The following ERBB4 variants were observed in gnomAD, a reference collection of about 807,000 sequenced individuals.
ERBB4 encodes receptor tyrosine-protein kinase erbB-4.
Under a neutral mutation model 158.0 loss-of-function variants are expected in ERBB4, and 42 were observed. The ratio of observed to expected loss-of-function variants is 0.27; its 90% CI spans 0.21 to 0.34. ERBB4 has a LOEUF of 0.34. ERBB4 is among the 10% of genes least tolerant of loss of function. The pLI is 1.00. For synonymous variants in ERBB4, 583 were observed against 558.7 expected (o/e 1.04, Z -0.61); for missense variants, 1,333 against 1,624.1 (o/e 0.82, Z 3.08).
At chr2:212,451,444 T>C (rs2092444614) in intron 1 of ERBB4, among the ~76,000 whole-genome samples, 1 of 152,216 alleles carries the variant, frequency 6.6e-6, no homozygotes, top group Admixed American at 6.5e-5. Context: ...CTTTGACCTA[T>C]GTAAGGGCCT....
chr2:212,092,678 T>C (rs939015537), intron 2 of ERBB4, among the ~76,000 whole-genome samples: 1 of 152,180 alleles, frequency 6.6e-6, no homozygotes, highest in Non-Finnish European at 1.5e-5. Flanking sequence ...GTTGAATACG[T>C]TGTATATGTT....
chr2:212,216,572 C>A (rs2083106100), intron 1 of ERBB4, among the ~76,000 whole-genome samples: 1 of 150,946 alleles, frequency 6.6e-6, no homozygotes, highest in Admixed American at 6.6e-5. Context: ...AGGGTCTATG[C>A]CATCAGGAGA....
intron 2 of ERBB4, among the ~76,000 whole-genome samples, chr2:212,116,468 G>A (rs1317154190): frequency 2.0e-5 from 3 of 152,046 alleles, no homozygotes; most frequent in Non-Finnish European, 1.5e-5. Context: ...TTTTTCTTGA[G>A]ACAGGGTTTT....
At chr2:211,717,451 G>A (rs1254326877) in intron 7 of ERBB4, among the ~76,000 whole-genome samples, 1 of 152,132 alleles carries the variant, frequency 6.6e-6, no homozygotes, top group Non-Finnish European at 1.5e-5. Context: ...ACATAAAGAA[G>A]TCAAAGTACA....
At chr2:211,783,947 C>A (rs184279224) in intron 4 of ERBB4, among the ~76,000 whole-genome samples, 1 of 152,250 alleles carries the variant, frequency 6.6e-6, no homozygotes, top group Admixed American at 6.5e-5. Flanking sequence ...AGGAATGGTA[C>A]CAGCTCCTCC....
In ERBB4 at chr2:211,732,996, C is replaced by CA. The variant is rs547350573; in HGVS notation, c.623-7803dup. On this transcript the variant is annotated intron_variant, in intron 5 of 27. Transcript: ENST00000342788. ...CGTCTCAAAAAACAAAAAACAAACA[C>CA]AAAAAAAGAGTAGGCCCATATTTTG... Among the ~76,000 whole-genome samples, 1,184 of 151,970 alleles carry CA rather than the reference C, an allele frequency of 7.8e-3. 21 individuals carry two copies. The highest frequency in any genetic ancestry group is 0.048 in the Middle Eastern group (14 of 294).
chr2:212,259,543 T>C (rs766825004), intron 1 of ERBB4, among the ~76,000 whole-genome samples: 2 of 152,206 alleles, frequency 1.3e-5, no homozygotes, highest in South Asian at 2.1e-4. Context: ...ATATATATTA[T>C]AACTAAAGCA....
At chr2:211,554,755 A>G (rs532938052) in intron 20 of ERBB4, among the ~76,000 whole-genome samples, 2 of 152,216 alleles carry the variant, frequency 1.3e-5, no homozygotes, top group African/African-American at 4.8e-5. Flanking sequence ...TAGAGAAAAC[A>G]GTCCTTTTGG....
intron 1 of ERBB4, among the ~76,000 whole-genome samples, chr2:212,425,335 AG>A (rs927509134): frequency 2.5e-5 from 3 of 120,616 alleles, no homozygotes; most frequent in African/African-American, 1.4e-4. Flanking sequence ...TAAATATATA[AG>A]GATACATATA....
intron 2 of ERBB4, among the ~76,000 whole-genome samples, chr2:212,000,725 G>GA (rs1345771776): frequency 6.6e-6 from 1 of 151,606 alleles, no homozygotes; most frequent in African/African-American, 2.4e-5. Flanking sequence ...AAGAAGGTCA[G>GA]AAAAAATGTC....
intron 1 of ERBB4, among the ~76,000 whole-genome samples, chr2:212,353,142 G>T (rs1165347542): frequency 6.6e-6 from 1 of 151,794 alleles, no homozygotes; most frequent in Non-Finnish European, 1.5e-5. Context: ...GGGGATAATT[G>T]TTTTTGTTAG....
intron 19 of ERBB4, among the ~76,000 whole-genome samples, chr2:211,604,781 A>C (rs2068922420): frequency 6.6e-6 from 1 of 152,206 alleles, no homozygotes; most frequent in South Asian, 2.1e-4. Context: ...CATTTCACTT[A>C]AGGTGATGAA....
intron 1 of ERBB4, among the ~76,000 whole-genome samples, chr2:212,220,043 C>T (rs2083243448): frequency 6.7e-6 from 1 of 150,218 alleles, no homozygotes; most frequent in Non-Finnish European, 1.5e-5. Flanking sequence ...CCTATTTCAA[C>T]TATCACAGTA....
intron 18 of ERBB4, among the ~76,000 whole-genome samples, chr2:211,621,682 T>C (rs1489082842): frequency 1.3e-5 from 2 of 152,160 alleles, no homozygotes; most frequent in Non-Finnish European, 2.9e-5. Context: ...TCTTTAAAAA[T>C]ATAGGAGTGA....
intron 20 of ERBB4, among the ~76,000 whole-genome samples, chr2:211,549,934 G>A (rs1477049044): frequency 4.6e-5 from 7 of 152,042 alleles, no homozygotes; most frequent in African/African-American, 1.4e-4. Flanking sequence ...GAACCCTGTC[G>A]GGACTTCCTT....
intron 2 of ERBB4, among the ~76,000 whole-genome samples, chr2:211,982,054 CATT>C (rs1025913178): frequency 7.9e-5 from 12 of 151,838 alleles, no homozygotes; most frequent in African/African-American, 2.2e-4. Flanking sequence ...TATTATTTAT[CATT>C]ATTATATTTT....
chr2:211,764,536 C>T (rs1240928329), intron 4 of ERBB4, among the ~76,000 whole-genome samples: 1 of 152,110 alleles, frequency 6.6e-6, no homozygotes, highest in Admixed American at 6.6e-5. Context: ...CAATTTATTT[C>T]TATGATAAAC....
intron 1 of ERBB4, among the ~76,000 whole-genome samples, chr2:212,281,438 G>A (rs766722159): frequency 6.6e-6 from 1 of 151,632 alleles, no homozygotes; most frequent in Non-Finnish European, 1.5e-5. Flanking sequence ...TGGATATTTG[G>A]GAAACAGAAA....
At chr2:211,720,132 G>C (rs1050270353) in intron 7 of ERBB4, among the ~76,000 whole-genome samples, 2 of 152,164 alleles carry the variant, frequency 1.3e-5, no homozygotes, top group Non-Finnish European at 2.9e-5. Context: ...AATAAGAAAA[G>C]TTGTTCCCGG....
Sources: gnomAD v4.1 joint callset for allele counts (sites outside exome capture counted in the v4.1 genomes callset) on GRCh38, gnomAD v4.1.1 for gene constraint, MANE v1.5 for transcripts, NCBI Gene and HGNC (gene_info 2026-07-23, HGNC 2026-07-21) for gene names.